SPAG16: variants seen among roughly 807,000 people sequenced by gnomAD.
The protein encoded by SPAG16 is sperm-associated antigen 16 protein.
A neutral mutation model predicts 80.4 loss-of-function variants in SPAG16; 86 were observed. The observed-to-expected ratio is 1.07, with a 90% CI of 0.90 to 1.28. The LOEUF is 1.28. Ranked by LOEUF, SPAG16 falls within the 50% of genes most tolerant of loss-of-function variation. The pLI, the probability that SPAG16 is intolerant of heterozygous loss-of-function variation, is 0.00. For synonymous variants in SPAG16, 294 were observed against 265.9 expected, an observed-to-expected ratio of 1.11 and a Z score of -1.03; for missense variants, 870 against 765.3, an observed-to-expected ratio of 1.14 and a Z score of -1.61.
chr2:213,604,654 C>T (rs2061190113), intron 10 of SPAG16, among the ~76,000 whole-genome samples: 1 of 152,026 alleles, frequency 6.6e-6, no homozygotes, highest in Admixed American at 6.5e-5. Context: ...TATAGATCTA[C>T]ATTATTTATT....
intron 11 of SPAG16, among the ~76,000 whole-genome samples, chr2:213,885,544 C>A (rs1553653755): frequency 1.3e-5 from 2 of 152,108 alleles, no homozygotes; most frequent in Non-Finnish European, 2.9e-5. Context: ...TTCCGTGAGA[C>A]TTTTCTTTCA....
At chr2:214,291,540 C>T (rs1693805116) in intron 15 of SPAG16, among the ~76,000 whole-genome samples, 1 of 151,552 alleles carries the variant, frequency 6.6e-6, no homozygotes, top group African/African-American at 2.4e-5. Context: ...CTCCTGACCT[C>T]GTGATCCGCC....
intron 8 of SPAG16, chr2:213,364,544 G>A (rs1575375744): frequency 1.3e-5 from 2 of 154,568 alleles, no homozygotes; most frequent in East Asian, 1.9e-4. Context: ...TGGGTCTGTG[G>A]AAAGTTCCAA....
intron 10 of SPAG16, among the ~76,000 whole-genome samples, chr2:213,857,274 A>G (rs529725428): frequency 3.3e-5 from 5 of 152,294 alleles, no homozygotes; most frequent in South Asian, 2.1e-4. Flanking sequence ...GGAAGAACAT[A>G]TTATTTAAAA....
chr2:214,210,379 T>C (rs1045626708), intron 15 of SPAG16, among the ~76,000 whole-genome samples: 1 of 151,924 alleles, frequency 6.6e-6, no homozygotes, highest in African/African-American at 2.4e-5. Context: ...TAAGAAAAAA[T>C]AAAAGGTATG....
At chr2:213,482,765 A>G (rs6734444) in intron 9 of SPAG16, among the ~76,000 whole-genome samples, 14,786 of 152,130 alleles carry the variant, frequency 0.097, 1,872 homozygotes, top group African/African-American at 0.29. Context: ...AGAATTATGT[A>G]TCTAGGAACC....
intron 11 of SPAG16, among the ~76,000 whole-genome samples, chr2:213,925,456 A>G (rs1164766720): frequency 6.6e-6 from 1 of 151,748 alleles, no homozygotes; most frequent in Non-Finnish European, 1.5e-5. Flanking sequence ...GGTTCAGGCA[A>G]TTCTCCTGCC....
intron 10 of SPAG16, among the ~76,000 whole-genome samples, chr2:213,788,808 T>C (rs2070503743): frequency 6.6e-6 from 1 of 151,926 alleles, no homozygotes; most frequent in Non-Finnish European, 1.5e-5. Flanking sequence ...CTCTTATATT[T>C]GTTTTTGTTT....
intron 10 of SPAG16, among the ~76,000 whole-genome samples, chr2:213,508,344 G>A (rs562958083): frequency 3.3e-5 from 5 of 152,014 alleles, no homozygotes; most frequent in South Asian, 2.1e-4. Context: ...AGGCCGAGGC[G>A]GGTGGATCAT....
chr2:213,580,648 T>G (rs534531049), intron 10 of SPAG16, among the ~76,000 whole-genome samples: 1 of 152,244 alleles, frequency 6.6e-6, no homozygotes, highest in South Asian at 2.1e-4. Context: ...TCTTTATAAC[T>G]TTTCTCTACT....
chr2:213,527,927 T>C (rs13390905), intron 10 of SPAG16, among the ~76,000 whole-genome samples: 3,916 of 152,102 alleles, frequency 0.026, 162 homozygotes, highest in African/African-American at 0.088. Flanking sequence ...ATATAAGCTC[T>C]GCTGAAAGGT....
Position 214,103,852 on chromosome 2 carries a change from G to A in SPAG16, c.1528-4344G>A, listed in dbSNP as rs189580622. On this transcript the variant is annotated intron_variant, in intron 13 of 15. Coordinates refer to ENST00000331683, the MANE Select transcript of SPAG16 (RefSeq NM_024532.5). Reference sequence around the variant, plus strand: ...ACCTTGTGGGTACAGAAGGAAAGGGGTTATGTACCACGAGAAAGGAAACCC... The same window carrying A: ...ACCTTGTGGGTACAGAAGGAAAGGGATTATGTACCACGAGAAAGGAAACCC... Among the ~76,000 whole-genome samples the A allele has an allele frequency of 1.9e-3, 291 of 152,192 alleles. 1 individual carries two copies. The highest frequency in any genetic ancestry group is 2.0e-3 in the Non-Finnish European group (135 of 68,008).
chr2:213,299,326 G>A (rs377610854), intron 3 of SPAG16, among the ~76,000 whole-genome samples: 57 of 147,944 alleles, frequency 3.9e-4, no homozygotes, highest in African/African-American at 1.3e-3. Flanking sequence ...TTTTTGAGAC[G>A]GAGTCTCACT....
chr2:213,629,018 C>CAATACTA (rs2062053327), intron 10 of SPAG16, among the ~76,000 whole-genome samples: 2 of 152,088 alleles, frequency 1.3e-5, no homozygotes. Context: ...TGGCCTATTA[C>CAATACTA]AATACAGTGT....
chr2:213,633,799 GT>G (rs1022673667), intron 10 of SPAG16, among the ~76,000 whole-genome samples: 8 of 152,030 alleles, frequency 5.3e-5, no homozygotes, highest in African/African-American at 1.9e-4. Flanking sequence ...TCTTCTTATA[GT>G]TTTTGTCTTG....
intron 9 of SPAG16, among the ~76,000 whole-genome samples, chr2:213,437,775 C>G (rs1422945156): frequency 2.0e-5 from 3 of 152,172 alleles, no homozygotes; most frequent in Non-Finnish European, 2.9e-5. Context: ...TCAAAGTGCT[C>G]TCCCTGCGTA....
chr2:213,356,649 A>G (rs2065670491), intron 7 of SPAG16, among the ~76,000 whole-genome samples: 1 of 150,902 alleles, frequency 6.6e-6, no homozygotes, highest in South Asian at 2.1e-4. Flanking sequence ...TTTCTTCTTT[A>G]TTAGTCTTGT....
intron 10 of SPAG16, among the ~76,000 whole-genome samples, chr2:213,646,755 C>T (rs1438430645): frequency 6.6e-6 from 1 of 152,130 alleles, no homozygotes; most frequent in African/African-American, 2.4e-5. Flanking sequence ...GTAATTTTGG[C>T]TGTAGATCCA....
intron 10 of SPAG16, among the ~76,000 whole-genome samples, chr2:213,722,284 T>G (rs546145649): frequency 6.6e-6 from 1 of 152,310 alleles, no homozygotes; most frequent in South Asian, 2.1e-4. Flanking sequence ...CAGAACAAAG[T>G]ATCTCTTTTT....
Sources: allele counts gnomAD v4.1 joint callset (sites outside exome capture counted in the v4.1 genomes callset), GRCh38; gene constraint gnomAD v4.1.1; transcripts MANE v1.5; gene names NCBI Gene and HGNC (gene_info 2026-07-23, HGNC 2026-07-21).